Variants in PUM1 observed in about 807,000 individuals in gnomAD.
PUM1 encodes the protein pumilio RNA binding family member 1.
A neutral mutation model predicts 131.8 loss-of-function variants in PUM1; 13 were observed. The ratio of observed to expected loss-of-function variants is 0.10; its 90% CI spans 0.06 to 0.16. The LOEUF (loss-of-function observed/expected upper bound fraction) is 0.16, where lower values mean the gene tolerates loss of function less well. PUM1 is among the 10% of genes least tolerant of loss of function. The probability of loss-of-function intolerance (pLI) is 1.00; values close to 1 mark genes in which losing one functional copy is unlikely to be tolerated. For synonymous variants in PUM1, 509 were observed against 556.5 expected, an observed-to-expected ratio of 0.91 and a Z score of 1.20; for missense variants, 961 against 1,512.4, an observed-to-expected ratio of 0.64 and a Z score of 6.05.
At chr1:31,035,006 G>GA (rs1485963446) in intron 2 of PUM1, among the ~76,000 whole-genome samples, 3 of 152,010 alleles carry the variant, frequency 2.0e-5, no homozygotes, top group Non-Finnish European at 2.9e-5. Context: ...TCAACAAAGG[G>GA]AAAAAAACCT....
intron 14 of PUM1, among the ~76,000 whole-genome samples, chr1:30,959,856 G>A (rs1373147837): frequency 1.3e-5 from 2 of 149,998 alleles, no homozygotes; most frequent in African/African-American, 2.5e-5. Flanking sequence ...GCAGTGAGCC[G>A]AGATTGCACC....
chr1:31,030,239 GC>G (rs1643377335), intron 2 of PUM1, among the ~76,000 whole-genome samples: 1 of 152,032 alleles, frequency 6.6e-6, no homozygotes, highest in East Asian at 1.9e-4. Context: ...AAAGATGTAG[GC>G]TTTGCTCTTC....
chr1:31,051,302 A>ATT lies in PUM1; in HGVS notation c.363+7900_363+7901dup, dbSNP rs35765126. Among the ~76,000 whole-genome samples the ATT allele has an allele frequency of 8.1e-3, 1,146 of 140,876 alleles. 8 individuals carry two copies. Among genetic ancestry groups the ATT allele is most frequent in the Middle Eastern group, 0.033 (9 of 270 alleles). 92.4% of individuals were successfully genotyped at this position (140,876 alleles called of 152,430 possible). On this transcript the variant is annotated intron_variant, in intron 2 of 21. Transcript: ENST00000426105. ...GAGTCAAAATATATTCATCCACTGA[A>ATT]TTTTTTTTTTTTTTTTTTGAGACGG... is the stretch of plus-strand genomic sequence containing the variant.
intron 5 of PUM1, 48 bp downstream of exon 5, chr1:31,005,804 AG>A (rs1642383066): frequency 9.6e-6 from 14 of 1,460,738 alleles, no homozygotes; most frequent in Admixed American, 4.7e-5. Context: ...AGAGAGAGAG[AG>A]AGAGAGAGAG....
intron 2 of PUM1, among the ~76,000 whole-genome samples, chr1:31,040,359 T>C (rs535166833): frequency 3.7e-4 from 56 of 152,176 alleles, no homozygotes; most frequent in Admixed American, 7.2e-4. Context: ...GCACCCAACC[T>C]TGGAGAAAAG....
At chr1:31,055,198 T>G in intron 2 of PUM1, 1 of 372,762 alleles carries the variant, frequency 2.7e-6, no homozygotes, top group South Asian at 2.0e-5. Context: ...CCTAGAGATG[T>G]GCCCCTTTGC....
chr1:30,943,001 C>T (rs915508596), intron 18 of PUM1, among the ~76,000 whole-genome samples: 9 of 152,168 alleles, frequency 5.9e-5, no homozygotes, highest in African/African-American at 2.2e-4. Flanking sequence ...AGCAATCCTC[C>T]CACCTTGGCC....
chr1:31,045,842 G>C (rs1003776767), intron 2 of PUM1, among the ~76,000 whole-genome samples: 3 of 152,142 alleles, frequency 2.0e-5, no homozygotes, highest in Non-Finnish European at 2.9e-5. Flanking sequence ...GGCACTTTGG[G>C]AGGCTGAAGC....
At chr1:30,954,042 A>G in intron 14 of PUM1, 61 bp from the exon 15 acceptor site, 5 of 1,531,450 alleles carry the variant, frequency 3.3e-6, no homozygotes, top group Non-Finnish European at 4.4e-6. Context: ...TCAAGAGAGA[A>G]AAAAGCATTC....
At chr1:31,055,295 T>G (rs1644211493) in intron 2 of PUM1, 1 of 455,250 alleles carries the variant, frequency 2.2e-6, no homozygotes, top group South Asian at 1.6e-5. Context: ...GACTGAGCTG[T>G]AAGACCCACT....
At chr1:30,988,754 CA>C (rs1385520883) in intron 7 of PUM1, among the ~76,000 whole-genome samples, 1 of 152,176 alleles carries the variant, frequency 6.6e-6, no homozygotes, top group African/African-American at 2.4e-5. Flanking sequence ...AGGACTACAC[CA>C]CAGTCATTCC....
At position 30,980,102 on chromosome 1, in the gene PUM1, C is replaced by A. The variant is rs1199613394; in HGVS notation, c.1314G>T (p.Thr438=). 1 of 1,613,524 alleles carries A rather than the reference C, an allele frequency of 6.2e-7. No homozygotes were observed. The highest frequency in any genetic ancestry group is 8.5e-7 in the Non-Finnish European group (1 of 1,179,812). Residue 438 remains threonine (T), a synonymous_variant, in exon 9 of 22, where the codon ACG becomes ACT. Transcript: ENST00000426105. ...CAGCCAATCCAGCTGTGTAGGGGTC[C>A]GTCCCTGGGGGAGCAGCGCTGATGA... is the stretch of plus-strand genomic sequence containing the variant. ...PYIISAAPPG[T]DPYTAGLAAA...
chr1:30,997,277 G>A (rs141086796), intron 5 of PUM1, among the ~76,000 whole-genome samples: 113 of 152,190 alleles, frequency 7.4e-4, no homozygotes, highest in African/African-American at 2.6e-3. Flanking sequence ...ACTTTGGAAG[G>A]GCAAGGCAGG....
chr1:30,939,657 T>C (rs1301929012), intron 20 of PUM1, among the ~76,000 whole-genome samples: 2 of 152,022 alleles, frequency 1.3e-5, no homozygotes, highest in African/African-American at 4.8e-5. Flanking sequence ...AGTTTACACA[T>C]GTTATCAATG....
chr1:30,949,621 T>C (rs1481322306), intron 17 of PUM1, among the ~76,000 whole-genome samples: 1 of 151,894 alleles, frequency 6.6e-6, no homozygotes, highest in African/African-American at 2.4e-5. Flanking sequence ...ATGCACTCTG[T>C]GGGCAGGGAT....
chr1:30,989,660 T>C (rs1641709034), intron 7 of PUM1, among the ~76,000 whole-genome samples: 1 of 151,164 alleles, frequency 6.6e-6, no homozygotes, highest in Admixed American at 6.6e-5. Context: ...TCTCCATAGT[T>C]GCAGGGTTCC....
chr1:30,954,860 C>T (rs190257281), intron 14 of PUM1, among the ~76,000 whole-genome samples: 9 of 151,632 alleles, frequency 5.9e-5, no homozygotes, highest in South Asian at 2.1e-4. Context: ...CCTAAGAGTT[C>T]GAGACCAGCC....
intron 7 of PUM1, among the ~76,000 whole-genome samples, chr1:30,985,067 C>T (rs933783775): frequency 6.6e-6 from 1 of 152,206 alleles, no homozygotes; most frequent in African/African-American, 2.4e-5. Context: ...TCACCAGTGA[C>T]TTGCTATGTC....
chr1:30,962,799 C>T (rs1640471571), intron 14 of PUM1, among the ~76,000 whole-genome samples: 2 of 152,116 alleles, frequency 1.3e-5, no homozygotes. Context: ...CACACTTCAA[C>T]AGCAGAGTTA....
Sources: allele counts gnomAD v4.1 joint callset (sites outside exome capture counted in the v4.1 genomes callset), GRCh38; gene constraint gnomAD v4.1.1; transcripts MANE v1.5; gene names NCBI Gene and HGNC (gene_info 2026-07-23, HGNC 2026-07-21).